ABCA4: variants seen among roughly 807,000 people sequenced by gnomAD.
The protein encoded by ABCA4 is ATP binding cassette subfamily A member 4, also known as retinal-specific phospholipid-transporting ATPase ABCA4.
ABCA4 carries 196 observed loss-of-function variants against 263.7 expected under a neutral mutation model. The observed-to-expected ratio is 0.74, with a 90% CI of 0.66 to 0.84. The LOEUF is 0.84. Ranked by LOEUF, ABCA4 falls within the 40% of genes least tolerant of loss-of-function variation. The pLI, the probability that ABCA4 is intolerant of heterozygous loss-of-function variation, is 0.00. For synonymous variants in ABCA4, 1,133 were observed against 1,094.2 expected (o/e 1.04, Z -0.70); for missense variants, 2,792 against 2,855.1 (o/e 0.98, Z 0.50).
At chr1:94,072,830 T>C (rs1261808049) in intron 11 of ABCA4, among the ~76,000 whole-genome samples, 1 of 152,166 alleles carries the variant, frequency 6.6e-6, no homozygotes, top group African/African-American at 2.4e-5. Flanking sequence ...CTGACTTCCA[T>C]TTATTTCCCC....
chr1:94,024,024 G>A (rs1163364803), intron 31 of ABCA4, among the ~76,000 whole-genome samples: 1 of 152,180 alleles, frequency 6.6e-6, no homozygotes. Flanking sequence ...ACTCAGTTTG[G>A]GATGGTTGCT....
At chr1:94,028,604 A>G (rs561599101) in intron 30 of ABCA4, among the ~76,000 whole-genome samples, 90 of 152,346 alleles carry the variant, frequency 5.9e-4, no homozygotes, top group Non-Finnish European at 1.1e-3. Context: ...ATGGGAGATC[A>G]GTTAATTTAA....
chr1:94,116,663 C>T (rs182836694), intron 1 of ABCA4, among the ~76,000 whole-genome samples: 3 of 152,306 alleles, frequency 2.0e-5, no homozygotes, highest in Admixed American at 2.0e-4. Context: ...ACAATAGCCT[C>T]TTCTGCCGGC....
At position 94,044,763 on chromosome 1, in the gene ABCA4, A is replaced by G; in HGVS notation, c.2919-19T>C. 6.2e-7 allele frequency: 1 copy of G among 1,614,218 alleles called. No individual in the cohort carries two copies. The highest frequency in any genetic ancestry group is 8.5e-7 in the Non-Finnish European group (1 of 1,180,024). On this transcript the variant is annotated intron_variant, in intron 19 of 49. Coordinates refer to ENST00000370225, the MANE Select transcript of ABCA4 (RefSeq NM_000350.3). ...GATGGACCTGCAGAACACAGGCGTC[A>G]GTGGCAGAAGAGATGGCCTTTAGCA...
In ABCA4 at chr1:94,121,056, A is replaced by C. The variant is rs377062273; in HGVS notation, c.-11T>G. 6.2e-7 allele frequency: 1 copy of C among 1,614,036 alleles called. No individual in the cohort carries two copies. Among genetic ancestry groups the C allele is most frequent in the Non-Finnish European group, 8.5e-7 (1 of 1,180,002 alleles). ...TCTCACGAAGCCCATGCTAATGACCACACGAAGACCAGATTGGTCAGAGCT... is the reference window on the plus strand; with the variant it reads ...TCTCACGAAGCCCATGCTAATGACCCCACGAAGACCAGATTGGTCAGAGCT... On this transcript the variant is annotated 5_prime_UTR_variant, in exon 1 of 50. Coordinates refer to ENST00000370225, the MANE Select transcript of ABCA4 (RefSeq NM_000350.3).
At chr1:94,020,693 A>C (rs748069439) in intron 35 of ABCA4, among the ~76,000 whole-genome samples, 15 of 152,358 alleles carry the variant, frequency 9.8e-5, no homozygotes, top group Non-Finnish European at 1.6e-4. Flanking sequence ...TGAAGTTTGC[A>C]CTAACAAAGG....
At chr1:94,028,095 C>A (rs1448295166) in intron 30 of ABCA4, among the ~76,000 whole-genome samples, 2 of 152,158 alleles carry the variant, frequency 1.3e-5, no homozygotes, top group African/African-American at 4.8e-5. Flanking sequence ...ATGAAATAAG[C>A]AGTTATTCCC....
At chr1:94,095,843 C>T (rs947907256) in intron 6 of ABCA4, among the ~76,000 whole-genome samples, 2 of 146,832 alleles carry the variant, frequency 1.4e-5, no homozygotes, top group Non-Finnish European at 3.0e-5. Context: ...CTAGATGTGT[C>T]CTGCTTCGGT....
At chr1:94,014,782 AG>A (rs1394199201) in intron 37 of ABCA4, 92 bp from the exon 38 acceptor site, 2 of 1,539,008 alleles carry the variant, frequency 1.3e-6, no homozygotes, top group African/African-American at 1.4e-5. Flanking sequence ...CTTACACCTG[AG>A]GTGATGTGTG....
chr1:94,030,511 G>C lies in ABCA4; in HGVS notation c.4269C>G (p.Gly1423=). The C allele has an allele frequency of 1.9e-6, 3 of 1,614,236 alleles. No homozygotes were observed. Among genetic ancestry groups the C allele is most frequent in the Non-Finnish European group, 2.5e-6 (3 of 1,180,028 alleles). ...CTGCAAGTACCGTGAACTGCTCACT[G>C]CCTGGTTCATCCATGCTAGACAGAG... ...QYTFFSMDEP[G]SEQFTVLADV... is the part of the protein sequence containing the mutation. Residue 1423 remains glycine, a synonymous_variant, in exon 29 of 50, where the codon GGC becomes GGG. Coordinates refer to ENST00000370225, the MANE Select transcript of ABCA4 (RefSeq NM_000350.3).
At chr1:94,039,414 G>C (rs1333041392) in intron 24 of ABCA4, among the ~76,000 whole-genome samples, 1 of 152,226 alleles carries the variant, frequency 6.6e-6, no homozygotes, top group African/African-American at 2.4e-5. Context: ...GCATCAGTAC[G>C]TAAGTTTAGT....
chr1:94,100,057 C>T (rs1269737310), intron 5 of ABCA4, among the ~76,000 whole-genome samples: 1 of 152,194 alleles, frequency 6.6e-6, no homozygotes, highest in Non-Finnish European at 1.5e-5. Flanking sequence ...GCACCACAGT[C>T]TCCCATGACA....
At chr1:94,001,185 C>T in intron 45 of ABCA4, 80 bp from the exon 46 acceptor site, 2 of 1,190,396 alleles carry the variant, frequency 1.7e-6, no homozygotes, top group South Asian at 1.2e-5. Flanking sequence ...GCTGGCTCCC[C>T]TGTGGAGGAT....
At chr1:93,994,830 C>G (rs765385490) in intron 49 of ABCA4, among the ~76,000 whole-genome samples, 3 of 152,160 alleles carry the variant, frequency 2.0e-5, no homozygotes, top group Admixed American at 6.5e-5. Flanking sequence ...AACATCAGCA[C>G]CCCTGATGTT....
At chr1:94,057,941 G>A (rs916438516) in intron 14 of ABCA4, among the ~76,000 whole-genome samples, 1 of 152,202 alleles carries the variant, frequency 6.6e-6, no homozygotes, top group Non-Finnish European at 1.5e-5. Context: ...TGTCCTAAAT[G>A]AGTTCTGATC....
chr1:94,002,756 A>C (rs904733177), intron 44 of ABCA4, among the ~76,000 whole-genome samples: 1 of 152,076 alleles, frequency 6.6e-6, no homozygotes, highest in African/African-American at 2.4e-5. Flanking sequence ...TCCCTGGGCC[A>C]CCCTACCTCA....
At chr1:94,115,707 C>T (rs1244389894) in intron 1 of ABCA4, among the ~76,000 whole-genome samples, 1 of 152,198 alleles carries the variant, frequency 6.6e-6, no homozygotes, top group Non-Finnish European at 1.5e-5. Flanking sequence ...TGAGGTAACA[C>T]TCAATAAACA....
chr1:93,994,876 C>A (rs982740805), intron 49 of ABCA4, among the ~76,000 whole-genome samples: 3 of 152,184 alleles, frequency 2.0e-5, no homozygotes, highest in East Asian at 1.9e-4. Flanking sequence ...GGGATTAGTC[C>A]TTTAAGAGGG....
At chr1:94,049,693 A>G (rs2101060886) in intron 17 of ABCA4, among the ~76,000 whole-genome samples, 1 of 152,290 alleles carries the variant, frequency 6.6e-6, no homozygotes, top group South Asian at 2.1e-4. Context: ...CTACAGCTTG[A>G]ATATATGGTT....
Sources: gnomAD v4.1 joint callset for allele counts (sites outside exome capture counted in the v4.1 genomes callset) on GRCh38, gnomAD v4.1.1 for gene constraint, MANE v1.5 for transcripts, NCBI Gene and HGNC (gene_info 2026-07-23, HGNC 2026-07-21) for gene names.